SEC31A: variants seen among roughly 807,000 people sequenced by gnomAD.
SEC31A encodes the protein SEC31 homolog A, COPII component.
SEC31A carries 70 observed loss-of-function variants against 151.0 expected under a neutral mutation model. The ratio of observed to expected loss-of-function variants is 0.46; its 90% CI spans 0.38 to 0.57. The LOEUF (loss-of-function observed/expected upper bound fraction) is 0.57, where lower values mean the gene tolerates loss of function less well. Among genes scored for constraint, SEC31A ranks in the 20% least tolerant of loss-of-function variants. The probability of loss-of-function intolerance (pLI) is 0.00; values close to 1 mark genes in which losing one functional copy is unlikely to be tolerated. For synonymous variants in SEC31A, 475 were observed against 505.9 expected, an observed-to-expected ratio of 0.94 and a Z score of 0.82; for missense variants, 1,330 against 1,471.2, an observed-to-expected ratio of 0.90 and a Z score of 1.57.
intron 22 of SEC31A, among the ~76,000 whole-genome samples, chr4:82,837,308 G>A (rs1336608464): frequency 6.6e-6 from 1 of 150,536 alleles, no homozygotes; most frequent in Non-Finnish European, 1.5e-5. Flanking sequence ...GTTATATTTG[G>A]GCAGTAGAAT....
At chr4:82,850,715 G>A (rs1336561649) in intron 19 of SEC31A, among the ~76,000 whole-genome samples, 1 of 152,108 alleles carries the variant, frequency 6.6e-6, no homozygotes, top group Non-Finnish European at 1.5e-5. Flanking sequence ...GTTTCCCTTT[G>A]TTGGGTTCCA....
At chr4:82,858,594 T>C (rs1733310266) in intron 14 of SEC31A, among the ~76,000 whole-genome samples, 2 of 143,616 alleles carry the variant, frequency 1.4e-5, no homozygotes, top group Non-Finnish European at 3.1e-5. Flanking sequence ...TAAACTAACA[T>C]GTACATATTC....
At chr4:82,884,809 C>T (rs1210785159) in intron 1 of SEC31A, among the ~76,000 whole-genome samples, 1 of 152,082 alleles carries the variant, frequency 6.6e-6, no homozygotes, top group Non-Finnish European at 1.5e-5. Context: ...GCCTAGAGCT[C>T]AATATATATT....
chr4:82,831,771 T>G (rs4461514), intron 22 of SEC31A, among the ~76,000 whole-genome samples: 42,258 of 151,980 alleles, frequency 0.28, 6,953 homozygotes, highest in East Asian at 0.49. Context: ...TGGTCTTTTC[T>G]GTAAGAATAT....
In SEC31A at chr4:82,888,698, T is replaced by TA. The variant is rs67970155; in HGVS notation, c.-5+2389dup. Among the ~76,000 whole-genome samples the TA allele has an allele frequency of 5.8e-4, 85 of 145,306 alleles. 1 individual carries two copies. The highest frequency in any genetic ancestry group is 1.5e-3 in the Admixed American group (21 of 14,384). On this transcript the variant is annotated intron_variant, in intron 1 of 26. Transcript: ENST00000395310. ...AGCGAGGCTCTGCCTCAGAAAAAAA[T>TA]AAAAAAAAAAAAAAATTTCTTGAGG...
intron 25 of SEC31A, among the ~76,000 whole-genome samples, chr4:82,822,709 C>A (rs949265515): frequency 6.6e-6 from 1 of 152,176 alleles, no homozygotes; most frequent in Non-Finnish European, 1.5e-5. Flanking sequence ...TGCGGTGGCT[C>A]ATGCCTGTAA....
At chr4:82,891,024 G>A (rs1299033436) in intron 1 of SEC31A, 64 bp downstream of exon 1, 9 of 1,532,350 alleles carry the variant, frequency 5.9e-6, no homozygotes, top group Non-Finnish European at 7.9e-6. Flanking sequence ...CCCAGTTTTG[G>A]CCTGGGCTCT....
At position 82,842,430 on chromosome 4, in the gene SEC31A, T is replaced by C. The variant is rs940021318; in HGVS notation, c.2678A>G (p.Tyr893Cys). The change falls in exon 22 of 27, where the codon TAT becomes TGT. Residue 893 changes from tyrosine (Y) to cysteine (C), a missense_variant. Physicochemically the swap from Tyr to Cys is radical, Grantham distance 194. Transcript: ENST00000395310. ...AGGAGCAACAGGCTGCTGAGGTCGA[T>C]ACATTGCTGACCCCCCTGTTCCGAA... is the stretch of plus-strand genomic sequence containing the variant. The part of the protein sequence containing the change: ...YPFGTGGSAM[Y>C]RPQQPVAPPT... 5.6e-6 allele frequency: 9 copies of C among 1,613,798 alleles called. No individual in the cohort carries two copies. In the African/African-American group the frequency reaches 9.3e-5, roughly 17 times the overall value.
Position 82,872,957 on chromosome 4 carries a change from G to A in SEC31A, c.640-871C>T, listed in dbSNP as rs192351056. ...TGAGCTCAGGCAATTCGCCCACCTCGGCCTCCCAAAGTGTTAGGATTGAGC... is the reference window on the plus strand; with the variant it reads ...TGAGCTCAGGCAATTCGCCCACCTCAGCCTCCCAAAGTGTTAGGATTGAGC... On this transcript the variant is annotated intron_variant, in intron 6 of 26. Coordinates refer to ENST00000395310, the MANE Select transcript of SEC31A (RefSeq NM_001077207.4). Among the ~76,000 whole-genome samples the A allele has an allele frequency of 8.4e-3, 1,280 of 152,202 alleles. 10 individuals carry two copies. Among genetic ancestry groups the A allele is most frequent in the South Asian group, 0.039 (190 of 4,828 alleles).
At chr4:82,879,015 G>A in intron 3 of SEC31A, 87 bp from the exon 4 acceptor site, 1 of 1,004,132 alleles carries the variant, frequency 1.0e-6, no homozygotes. Context: ...AATTTTTAAT[G>A]TTTTCATAAA....
chr4:82,831,922 T>C (rs943559926), intron 22 of SEC31A, among the ~76,000 whole-genome samples: 2 of 152,112 alleles, frequency 1.3e-5, no homozygotes, highest in African/African-American at 4.8e-5. Flanking sequence ...AGGACACAAA[T>C]GGAAAAACAT....
At chr4:82,871,230 C>T in intron 7 of SEC31A, 5 of 1,158,184 alleles carry the variant, frequency 4.3e-6, no homozygotes, top group Non-Finnish European at 5.7e-6. Context: ...ATATGGTATT[C>T]ATGATTAACG....
upstream of SEC31A, chr4:82,891,242 C>T: frequency 7.0e-7 from 1 of 1,421,618 alleles, no homozygotes; most frequent in Non-Finnish European, 9.5e-7. Flanking sequence ...GCGCCCAACA[C>T]TTCCGGGAGC....
At chr4:82,881,759 G>C in intron 2 of SEC31A, 99 bp downstream of exon 2, 1 of 889,910 alleles carries the variant, frequency 1.1e-6, no homozygotes, top group Admixed American at 1.9e-5. Flanking sequence ...GCCAGGGAGA[G>C]AGAGGCTTTC....
intron 8 of SEC31A, among the ~76,000 whole-genome samples, chr4:82,869,447 T>C (rs544536034): frequency 3.7e-4 from 57 of 152,130 alleles, no homozygotes; most frequent in Non-Finnish European, 1.6e-4. Context: ...TCCAATTTTT[T>C]AGTTGTAGCA....
chr4:82,864,308 G>A (rs1276348206), intron 11 of SEC31A, 54 bp downstream of exon 11: 1 of 1,198,392 alleles, frequency 8.3e-7, no homozygotes, highest in African/African-American at 1.5e-5. Context: ...GAATATAAAG[G>A]AACAGTTAAA....
chr4:82,861,597 T>C (rs1161036141), intron 14 of SEC31A, 34 bp downstream of exon 14: 1 of 1,406,540 alleles, frequency 7.1e-7, no homozygotes, highest in East Asian at 2.3e-5. Context: ...ATATCACAAA[T>C]TTGTCCAATA....
rs1440804991 is a variant in SEC31A at position 82,866,957 on chromosome 4, A to G, written c.1048T>C (p.Ser350Pro). Reference protein sequence around the residue: ...GLRQKQVDKLSSSFGNLDPFG... With the variant: ...GLRQKQVDKLPSSFGNLDPFG... ...GGATCAAGATTCCCAAAAGATGATG[A>G]AAGCTAAAAAAGATAATAATAACAT... The change falls in exon 10 of 27, where the codon TCA (serine) becomes CCA (proline). Residue 350 changes from serine (S) to proline (P), a missense_variant. Physicochemically the swap from Ser to Pro is moderately conservative, Grantham distance 74 (BLOSUM62 -1). Transcript: ENST00000395310. 6.2e-7 allele frequency: 1 copy of G among 1,606,224 alleles called. No homozygotes were observed. Among genetic ancestry groups the G allele is most frequent in the Non-Finnish European group, 8.5e-7 (1 of 1,178,136 alleles).
intron 22 of SEC31A, chr4:82,830,902 A>T: frequency 9.5e-7 from 1 of 1,055,174 alleles, no homozygotes; most frequent in Non-Finnish European, 1.2e-6. Flanking sequence ...CAATTATTCA[A>T]AGATTTCCAA....
Sources: allele counts gnomAD v4.1 joint callset (sites outside exome capture counted in the v4.1 genomes callset), GRCh38; gene constraint gnomAD v4.1.1; transcripts MANE v1.5; gene names NCBI Gene and HGNC (gene_info 2026-07-23, HGNC 2026-07-21).